CEP112: variants seen among roughly 807,000 people sequenced by gnomAD.
CEP112 encodes centrosomal protein 112, also known as centrosomal protein of 112 kDa.
CEP112 carries 127 observed loss-of-function variants against 153.0 expected under a neutral mutation model. That is an observed-to-expected ratio of 0.83 (90% CI 0.72 to 0.96). CEP112 has a LOEUF of 0.96. Ranked by LOEUF, CEP112 falls within the 40% of genes least tolerant of loss-of-function variation. The pLI is 0.00. For missense variants in CEP112, 1,089 were observed against 1,101.2 expected (o/e 0.99, Z 0.16); for synonymous variants, 358 against 374.4 (o/e 0.96, Z 0.51).
chr17:66,048,436 G>GA (rs1324271088), intron 12 of CEP112, among the ~76,000 whole-genome samples: 1 of 151,922 alleles, frequency 6.6e-6, no homozygotes, highest in Non-Finnish European at 1.5e-5. Flanking sequence ...TATCCACATA[G>GA]AAAAAAACAA....
intron 8 of CEP112, among the ~76,000 whole-genome samples, chr17:66,080,801 G>A (rs553232662): frequency 6.6e-6 from 1 of 152,288 alleles, no homozygotes; most frequent in East Asian, 1.9e-4. Flanking sequence ...AGAAAATGTG[G>A]CACATATACA....
At chr17:65,932,141 T>G (rs1362298000) in intron 18 of CEP112, among the ~76,000 whole-genome samples, 1 of 152,158 alleles carries the variant, frequency 6.6e-6, no homozygotes, top group Non-Finnish European at 1.5e-5. Flanking sequence ...GAGCCACACC[T>G]GACTTCATAT....
chr17:65,861,054 T>A lies in CEP112; in HGVS notation c.2164-9020A>T, dbSNP rs142943571. ...ACATGAAATATCTGAAACAAGCACA[T>A]CTATAGAGATAGATTAGATTAGTGG... On this transcript the variant is annotated intron_variant, in intron 20 of 26. Coordinates refer to ENST00000535342, the MANE Select transcript of CEP112 (RefSeq NM_001199165.4). 3.5e-3 allele frequency among the ~76,000 whole-genome samples: 534 copies of A among 152,282 alleles called. 2 individuals carry two copies. Among genetic ancestry groups the A allele is most frequent in the African/African-American group, 0.012 (514 of 41,554 alleles).
chr17:66,081,178 T>C (rs1260784567), intron 8 of CEP112, among the ~76,000 whole-genome samples: 1 of 151,740 alleles, frequency 6.6e-6, no homozygotes, highest in African/African-American at 2.4e-5. Context: ...AAAAGTAAAA[T>C]AAAATAAAAA....
At chr17:65,646,222 C>T (rs1281296219) in intron 24 of CEP112, among the ~76,000 whole-genome samples, 1 of 152,092 alleles carries the variant, frequency 6.6e-6, no homozygotes, top group African/African-American at 2.4e-5. Flanking sequence ...TTATATTTTC[C>T]AACATTTATT....
At chr17:66,143,700 T>C (rs192248550) in intron 4 of CEP112, among the ~76,000 whole-genome samples, 50 of 152,298 alleles carry the variant, frequency 3.3e-4, no homozygotes, top group African/African-American at 1.2e-3. Flanking sequence ...CCCAAATTCA[T>C]ACAAACAGAA....
chr17:65,726,437 A>G (rs1166420936), intron 23 of CEP112, among the ~76,000 whole-genome samples: 1 of 152,120 alleles, frequency 6.6e-6, no homozygotes, highest in African/African-American at 2.4e-5. Flanking sequence ...GAGGAGGGAG[A>G]TAAGACCTTG....
At chr17:65,776,075 C>T (rs1179925799) in intron 21 of CEP112, among the ~76,000 whole-genome samples, 1 of 152,314 alleles carries the variant, frequency 6.6e-6, no homozygotes, top group East Asian at 1.9e-4. Context: ...AACCAATCGG[C>T]AACAGTCTCA....
intron 14 of CEP112, among the ~76,000 whole-genome samples, chr17:66,028,763 A>C (rs985434355): frequency 3.9e-5 from 6 of 151,984 alleles, no homozygotes; most frequent in African/African-American, 1.4e-4. Flanking sequence ...TTAATTATAA[A>C]ATGAAAGCAG....
intron 4 of CEP112, among the ~76,000 whole-genome samples, chr17:66,169,460 AT>A (rs1270633442): frequency 6.6e-6 from 1 of 151,512 alleles, no homozygotes; most frequent in East Asian, 1.9e-4. Flanking sequence ...ATTTTTTTGT[AT>A]TTTTAGTAGA....
intron 24 of CEP112, among the ~76,000 whole-genome samples, chr17:65,685,072 T>G (rs1180849991): frequency 6.6e-6 from 1 of 152,218 alleles, no homozygotes; most frequent in Non-Finnish European, 1.5e-5. Flanking sequence ...CTCTTGAATC[T>G]GCCCAAGGAG....
chr17:65,893,673 T>G (rs552763986), intron 20 of CEP112, among the ~76,000 whole-genome samples: 2 of 152,266 alleles, frequency 1.3e-5, no homozygotes, highest in Admixed American at 1.3e-4. Context: ...TTATAAAATA[T>G]TTTCTGTACA....
intron 19 of CEP112, among the ~76,000 whole-genome samples, chr17:65,905,078 G>A (rs756853991): frequency 9.2e-5 from 14 of 152,112 alleles, no homozygotes; most frequent in Non-Finnish European, 1.5e-4. Flanking sequence ...AAAAGCAATG[G>A]CAACAAAAGC....
chr17:66,149,271 G>T (rs575427490), intron 4 of CEP112, among the ~76,000 whole-genome samples: 1 of 152,274 alleles, frequency 6.6e-6, no homozygotes, highest in East Asian at 1.9e-4. Context: ...GCAAATATTT[G>T]TCAGGATATT....
intron 18 of CEP112, among the ~76,000 whole-genome samples, chr17:65,959,155 G>C (rs2062106285): frequency 6.6e-6 from 1 of 151,876 alleles, no homozygotes; most frequent in Non-Finnish European, 1.5e-5. Context: ...TGAGAGCTGG[G>C]GAGATGAGAG....
intron 23 of CEP112, among the ~76,000 whole-genome samples, chr17:65,739,769 C>T (rs1008612885): frequency 3.3e-5 from 5 of 151,998 alleles, no homozygotes; most frequent in African/African-American, 1.2e-4. Flanking sequence ...GAATTTTGTT[C>T]GTTTGTGTAA....
At chr17:65,675,396 G>A (rs1241510754) in intron 24 of CEP112, among the ~76,000 whole-genome samples, 1 of 152,072 alleles carries the variant, frequency 6.6e-6, no homozygotes, top group Admixed American at 6.6e-5. Context: ...ATTAGAGATG[G>A]GGTTTCACCA....
At chr17:66,145,152 T>G (rs375096199) in intron 4 of CEP112, among the ~76,000 whole-genome samples, 2 of 152,228 alleles carry the variant, frequency 1.3e-5, no homozygotes, top group African/African-American at 4.8e-5. Context: ...AGAATGCTGT[T>G]GGCCATCTTT....
intron 23 of CEP112, among the ~76,000 whole-genome samples, chr17:65,721,603 A>G (rs1161941668): frequency 6.6e-6 from 1 of 152,202 alleles, no homozygotes; most frequent in Non-Finnish European, 1.5e-5. Flanking sequence ...ATGGATTCTC[A>G]AAACAACTGG....
Sources: gnomAD v4.1 joint callset for allele counts (sites outside exome capture counted in the v4.1 genomes callset) on GRCh38, gnomAD v4.1.1 for gene constraint, MANE v1.5 for transcripts, NCBI Gene and HGNC (gene_info 2026-07-23, HGNC 2026-07-21) for gene names.